The following COLGALT2 variants were observed in gnomAD, a reference collection of about 807,000 sequenced individuals.
COLGALT2 encodes procollagen galactosyltransferase 2.
COLGALT2 carries 49 observed loss-of-function variants against 73.4 expected under a neutral mutation model. The ratio of observed to expected loss-of-function variants is 0.67; its 90% CI spans 0.53 to 0.85. COLGALT2 has a LOEUF of 0.85. Ranked by LOEUF, COLGALT2 falls within the 40% of genes least tolerant of loss-of-function variation. The pLI is 0.00. For missense variants in COLGALT2, 722 were observed against 790.2 expected (o/e 0.91, Z 1.03); for synonymous variants, 295 against 307.6 (o/e 0.96, Z 0.43).
At chr1:183,934,712 G>C (rs1669912309), downstream of COLGALT2, among the ~76,000 whole-genome samples, 1 of 152,096 alleles carries the variant, frequency 6.6e-6, no homozygotes, top group Non-Finnish European at 1.5e-5. Context: ...AAGCCTCCTG[G>C]GAAGACACAT....
chr1:183,954,979 T>C (rs982179585), intron 6 of COLGALT2, 141 bp from the exon 7 acceptor site: 11 of 672,426 alleles, frequency 1.6e-5, no homozygotes, highest in East Asian at 5.6e-5. Flanking sequence ...TTCTCCAGGA[T>C]TGAGTAGCCA....
intron 6 of COLGALT2, among the ~76,000 whole-genome samples, chr1:183,962,245 T>A (rs986989758): frequency 7.1e-6 from 1 of 141,758 alleles, no homozygotes. Flanking sequence ...CTGCAACCTC[T>A]GCCTCCTGGG....
rs1216768901 is a variant in COLGALT2 at position 184,024,375 on chromosome 1, CAG to C, written c.263+12718_263+12719del. Among the ~76,000 whole-genome samples, 3 of 148,082 alleles carry C rather than the reference CAG, an allele frequency of 2.0e-5. No individual in the cohort carries two copies. In the South Asian group the frequency reaches 6.4e-4, roughly 31 times the overall value. On this transcript the variant is annotated intron_variant, in intron 1 of 11. Transcript: ENST00000361927. ...TTTTCTTTTTCTTTTTTTTTTTTGA[CAG>C]AGTGTTACTCTGTCGCCCAGGCTGG...
chr1:183,973,077 A>C (rs1671093321), intron 4 of COLGALT2, among the ~76,000 whole-genome samples: 1 of 152,198 alleles, frequency 6.6e-6, no homozygotes, highest in Non-Finnish European at 1.5e-5. Context: ...GAAAAATTAT[A>C]TTAATCATGA....
chr1:183,966,838 C>T (rs141305736), intron 5 of COLGALT2, among the ~76,000 whole-genome samples: 115 of 152,312 alleles, frequency 7.6e-4, no homozygotes, highest in Non-Finnish European at 1.5e-3. Context: ...GAAGGGTGGC[C>T]AAGCCCTGCT....
intron 1 of COLGALT2, among the ~76,000 whole-genome samples, chr1:184,007,976 A>G (rs1162671372): frequency 6.6e-6 from 1 of 152,236 alleles, no homozygotes; most frequent in Admixed American, 6.5e-5. Context: ...AGGATCACAG[A>G]ATGCTTCCTG....
At chr1:184,019,108 T>C (rs1649095408) in intron 1 of COLGALT2, among the ~76,000 whole-genome samples, 1 of 152,214 alleles carries the variant, frequency 6.6e-6, no homozygotes, top group Non-Finnish European at 1.5e-5. Context: ...GATTTTTGGC[T>C]TCTCAATAGC....
At chr1:183,962,204 G>A (rs139891643) in intron 6 of COLGALT2, among the ~76,000 whole-genome samples, 1,447 of 121,680 alleles carry the variant, frequency 0.012, 20 homozygotes, top group African/African-American at 0.038. Flanking sequence ...CTGTCACTCA[G>A]GCTGGAGTGC....
chr1:183,972,753 G>A (rs928900654), intron 4 of COLGALT2, among the ~76,000 whole-genome samples: 1 of 151,300 alleles, frequency 6.6e-6, no homozygotes, highest in South Asian at 2.1e-4. Context: ...AGGCTGGAGC[G>A]CAGTGGCGCG....
intron 1 of COLGALT2, among the ~76,000 whole-genome samples, chr1:183,992,596 C>T (rs555131862): frequency 2.0e-5 from 3 of 152,038 alleles, no homozygotes; most frequent in African/African-American, 7.3e-5. Flanking sequence ...TTTAATATTG[C>T]TCAAAACTTT....
At chr1:184,004,325 A>G (rs1017451276) in intron 1 of COLGALT2, among the ~76,000 whole-genome samples, 2 of 152,234 alleles carry the variant, frequency 1.3e-5, no homozygotes, top group African/African-American at 4.8e-5. Flanking sequence ...AAAAAAACCC[A>G]TAACTACCCA....
At position 183,944,193 on chromosome 1, in the gene COLGALT2, C is replaced by T. The variant is rs1670187357; in HGVS notation, c.1397+3G>A. The T allele has an allele frequency of 2.5e-6, 4 of 1,607,898 alleles. No homozygotes were observed. The highest frequency in any genetic ancestry group is 1.7e-4 in the Middle Eastern group (1 of 6,032). On this transcript the variant is annotated splice_donor_region_variant and intron_variant, in intron 10 of 11. Transcript: ENST00000361927. The stretch of plus-strand genomic sequence containing the variant: ...CCTCTCGTAAGATCATCTTGTCACT[C>T]ACATCAGTTCCCAGTCCAGCTGAGC...
chr1:184,008,064 G>A (rs940796200), intron 1 of COLGALT2, among the ~76,000 whole-genome samples: 2 of 152,190 alleles, frequency 1.3e-5, no homozygotes, highest in Admixed American at 1.3e-4. Flanking sequence ...CACTAGAGAA[G>A]TTGGAAATAC....
At chr1:183,964,885 G>C (rs1670823868) in intron 5 of COLGALT2, among the ~76,000 whole-genome samples, 1 of 152,104 alleles carries the variant, frequency 6.6e-6, no homozygotes, top group African/African-American at 2.4e-5. Context: ...CCAAGCCTCT[G>C]GTCCATGTAT....
chr1:183,960,616 C>T (rs1183830775), intron 6 of COLGALT2, among the ~76,000 whole-genome samples: 2 of 152,226 alleles, frequency 1.3e-5, no homozygotes, highest in Admixed American at 1.3e-4. Context: ...ACATTACAGG[C>T]ATTCTATGTT....
chr1:184,031,617 A>T (rs939708246), intron 1 of COLGALT2, among the ~76,000 whole-genome samples: 5 of 152,214 alleles, frequency 3.3e-5, no homozygotes, highest in African/African-American at 4.8e-5. Flanking sequence ...GGTCTGCAAC[A>T]TTAGCTGCCT....
At position 183,938,322 on chromosome 1, in the gene COLGALT2, TG is replaced by T; in HGVS notation, c.*438del. ...AAAAGTTGCACACACAAGTTTTCAATGTCATATAAAACGGACAAACTAGACC... is the reference window on the plus strand; with the variant it reads ...AAAAGTTGCACACACAAGTTTTCAATTCATATAAAACGGACAAACTAGACC... On this transcript the variant is annotated 3_prime_UTR_variant, in exon 12 of 12. Transcript: ENST00000361927. 5.0e-6 allele frequency: 5 copies of T among 992,138 alleles called. No individual in the cohort carries two copies. Among genetic ancestry groups the T allele is most frequent in the Non-Finnish European group, 6.0e-6 (5 of 833,850 alleles). The allele number at this position is 992,138 out of a possible 1,614,324, so 61.5% of individuals were successfully genotyped here.
chr1:183,955,308 C>G (rs1670523134), intron 6 of COLGALT2, among the ~76,000 whole-genome samples: 2 of 152,210 alleles, frequency 1.3e-5, no homozygotes, highest in Non-Finnish European at 2.9e-5. Context: ...AAATGCTCAA[C>G]AACTCTTAGC....
At chr1:183,931,827 A>T (rs549344638), downstream of COLGALT2, among the ~76,000 whole-genome samples, 3 of 151,192 alleles carry the variant, frequency 2.0e-5, no homozygotes, top group East Asian at 5.8e-4. Flanking sequence ...AGAAGACTGA[A>T]TGATTTAAGC....
Sources: allele counts gnomAD v4.1 joint callset (sites outside exome capture counted in the v4.1 genomes callset), GRCh38; gene constraint gnomAD v4.1.1; transcripts MANE v1.5; gene names NCBI Gene and HGNC (gene_info 2026-07-23, HGNC 2026-07-21).